Variants in ARHGEF10L observed in about 807,000 individuals in gnomAD.
ARHGEF10L encodes the protein rho guanine nucleotide exchange factor 10-like protein.
Under a neutral mutation model 141.2 loss-of-function variants are expected in ARHGEF10L, and 69 were observed. The ratio of observed to expected loss-of-function variants is 0.49; its 90% confidence interval spans 0.40 to 0.60. The LOEUF (loss-of-function observed/expected upper bound fraction) is 0.60, where lower values mean the gene tolerates loss of function less well. Among genes scored for constraint, ARHGEF10L ranks in the 20% least tolerant of loss-of-function variants. The pLI, the probability that ARHGEF10L is intolerant of heterozygous loss-of-function variation, is 0.00. For missense variants in ARHGEF10L, 1,482 were observed against 1,734.3 expected (o/e 0.85, Z 2.58); for synonymous variants, 711 against 718.5 (o/e 0.99, Z 0.17).
chr1:17,555,368 CTT>C (rs377163805), intron 1 of ARHGEF10L, among the ~76,000 whole-genome samples: 9 of 143,952 alleles, frequency 6.3e-5, no homozygotes, highest in Non-Finnish European at 6.1e-5. Flanking sequence ...GTTTAAACTA[CTT>C]TTTTTTTTTT....
At chr1:17,515,551 C>T in the ARHGEF10L span, among the ~76,000 whole-genome samples, 3 of 152,024 alleles carry the variant, frequency 2.0e-5, no homozygotes, top group Non-Finnish European at 4.4e-5. Flanking sequence ...CCTCCTGCCT[C>T]GGCCTCCCAA....
At chr1:17,641,391 G>C (rs1484063309) in intron 21 of ARHGEF10L, among the ~76,000 whole-genome samples, 1 of 152,178 alleles carries the variant, frequency 6.6e-6, no homozygotes, top group Non-Finnish European at 1.5e-5. Flanking sequence ...CAGCACTTTG[G>C]GAGGCTGAGG....
At chr1:17,567,202 A>G (rs2077792887) in intron 1 of ARHGEF10L, among the ~76,000 whole-genome samples, 1 of 152,140 alleles carries the variant, frequency 6.6e-6, no homozygotes, top group Non-Finnish European at 1.5e-5. Context: ...GGCACCTGTT[A>G]TGCTTGCTGG....
chr1:17,515,848 C>T, the ARHGEF10L span, among the ~76,000 whole-genome samples: 3 of 152,054 alleles, frequency 2.0e-5, no homozygotes, highest in African/African-American at 7.2e-5. Flanking sequence ...CTGCATGTGG[C>T]CCAGCCTGGT....
At chr1:17,683,017 A>G (rs2064245807) in intron 26 of ARHGEF10L, among the ~76,000 whole-genome samples, 1 of 152,122 alleles carries the variant, frequency 6.6e-6, no homozygotes, top group African/African-American at 2.4e-5. Context: ...GTGTTTGGAA[A>G]ATGAAATGAG....
In ARHGEF10L at chr1:17,619,692, G is replaced by A. The variant is rs1233026609; in HGVS notation, c.942+247G>A. 1.3e-5 allele frequency among the ~76,000 whole-genome samples: 2 copies of A among 152,144 alleles called. No homozygotes were observed. The highest frequency in any genetic ancestry group is 1.9e-4 in the East Asian group (1 of 5,188). ...GGGGTGGGCTCCCGGCATCTAGAAC[G>A]CTTGCGTCCCCCAACTCCATGGCAT... On this transcript the variant is annotated intron_variant, in intron 10 of 28. Coordinates refer to ENST00000361221, the MANE Select transcript of ARHGEF10L (RefSeq NM_018125.4). The surrounding 1 kb of genome is among the most constrained non-coding windows in gnomAD (Gnocchi z 5.0).
chr1:17,542,142 AG>A (rs1183036546), intron 1 of ARHGEF10L, among the ~76,000 whole-genome samples: 59 of 151,754 alleles, frequency 3.9e-4, no homozygotes, highest in African/African-American at 1.4e-3. Flanking sequence ...CTATCTCAAA[AG>A]AAAAAAAGAA....
Position 17,664,447 on chromosome 1 carries a change from G to C in ARHGEF10L, c.2861G>C (p.Gly954Ala), listed in dbSNP as rs367563314. The C allele has an allele frequency of 9.4e-6, 15 of 1,602,612 alleles. No individual in the cohort carries two copies. The highest frequency in any genetic ancestry group is 1.3e-5 in the Non-Finnish European group (15 of 1,179,530). The change falls in exon 26 of 29, where the codon GGA becomes GCA. Residue 954 changes from glycine (G) to alanine (A), a missense_variant and splice_region_variant. This residue lies in a region of ARHGEF10L where 858 missense variants were observed against 966.3 expected (regional missense o/e 0.89). Coordinates refer to ENST00000361221, the MANE Select transcript of ARHGEF10L (RefSeq NM_018125.4). The stretch of plus-strand genomic sequence containing the variant: ...ACCTGCCTCCCCTCTCTCCCTGCAG[G>C]AGGTGTCCTGTGGGACCTGGAGAGC... The part of the protein sequence containing the change: ...GTLAAYPRTS[G>A]GVLWDLESPP...
chr1:17,696,377 G>A (rs1023275241), intron 28 of ARHGEF10L, among the ~76,000 whole-genome samples: 4 of 152,148 alleles, frequency 2.6e-5, no homozygotes, highest in Admixed American at 6.5e-5. Context: ...CTCTCAACAA[G>A]CTGATGGTCT....
intron 4 of ARHGEF10L, among the ~76,000 whole-genome samples, chr1:17,592,558 T>G (rs1208157710): frequency 6.6e-6 from 1 of 152,074 alleles, no homozygotes; most frequent in African/African-American, 2.4e-5. Context: ...GAGACCAGGC[T>G]CAGCAAAGCA....
At chr1:17,664,035 T>G (rs2062811249) in intron 25 of ARHGEF10L, among the ~76,000 whole-genome samples, 1 of 152,214 alleles carries the variant, frequency 6.6e-6, no homozygotes, top group South Asian at 2.1e-4. Flanking sequence ...ACCTGTTGGT[T>G]GCTCTGACCA....
At chr1:17,696,638 G>A (rs2065523309) in intron 28 of ARHGEF10L, among the ~76,000 whole-genome samples, 2 of 152,326 alleles carry the variant, frequency 1.3e-5, no homozygotes, top group South Asian at 4.1e-4. Context: ...CCCGTGTGGT[G>A]TATAAGGTGG....
At chr1:17,620,964 A>T (rs1557845329) in intron 10 of ARHGEF10L, among the ~76,000 whole-genome samples, 1 of 152,074 alleles carries the variant, frequency 6.6e-6, no homozygotes, top group Non-Finnish European at 1.5e-5. Flanking sequence ...TCCTCAGCTG[A>T]GGGAGGTGCA....
intron 6 of ARHGEF10L, among the ~76,000 whole-genome samples, chr1:17,606,877 A>C (rs1164427434): frequency 6.6e-6 from 1 of 152,124 alleles, no homozygotes; most frequent in Non-Finnish European, 1.5e-5. Context: ...GTGGCATCTC[A>C]TAGCCGAGTT....
chr1:17,560,133 G>A (rs938279377), intron 1 of ARHGEF10L, among the ~76,000 whole-genome samples: 1 of 152,104 alleles, frequency 6.6e-6, no homozygotes, highest in Non-Finnish European at 1.5e-5. Context: ...GCCCTCCAGG[G>A]GAACGAGGTC....
chr1:17,514,993 G>A, the ARHGEF10L span, among the ~76,000 whole-genome samples: 10 of 152,240 alleles, frequency 6.6e-5, no homozygotes, highest in African/African-American at 2.2e-4. Context: ...TTCTTTTTGC[G>A]GAGCATGAGC....
intron 1 of ARHGEF10L, among the ~76,000 whole-genome samples, chr1:17,542,615 GA>G (rs2100617908): frequency 6.6e-6 from 1 of 152,268 alleles, no homozygotes; most frequent in African/African-American, 2.4e-5. Context: ...AATCTTCTAT[GA>G]TTAATTTTGA....
intron 1 of ARHGEF10L, among the ~76,000 whole-genome samples, chr1:17,544,688 T>G (rs1475290700): frequency 6.6e-6 from 1 of 152,152 alleles, no homozygotes; most frequent in Non-Finnish European, 1.5e-5. Context: ...ATTTGCTGCT[T>G]TGTGTGTGTG....
At position 17,573,797 on chromosome 1, in the gene ARHGEF10L, G is replaced by A. The variant is rs2078107216; in HGVS notation, c.-43-6756G>A. ...CCAGTGCTCCCCACTCTTCCTGCCT[G>A]CAGATCCTCACCAGGGGCTCCCTAG... On this transcript the variant is annotated intron_variant, in intron 1 of 28. Transcript: ENST00000361221. The surrounding 1 kb of genome is among the most constrained non-coding windows in gnomAD (Gnocchi z 4.8). Among the ~76,000 whole-genome samples the A allele has an allele frequency of 1.3e-5, 2 of 151,938 alleles. No homozygotes were observed. Among genetic ancestry groups the A allele is most frequent in the African/African-American group, 2.4e-5 (1 of 41,380 alleles).
Sources: gnomAD v4.1 joint callset for allele counts (sites outside exome capture counted in the v4.1 genomes callset) on GRCh38, gnomAD v4.1.1 for gene constraint, gnomAD v4.1.1 regional missense constraint, Gnocchi (gnomAD v3.1) non-coding constraint, MANE v1.5 for transcripts, NCBI Gene and HGNC (gene_info 2026-07-23, HGNC 2026-07-21) for gene names.